The following SUGCT variants were observed in gnomAD, a reference collection of about 807,000 sequenced individuals.
SUGCT encodes succinyl-CoA:glutarate-CoA transferase, also known as succinyl-CoA:glutarate CoA-transferase.
Under a neutral mutation model 55.0 loss-of-function variants are expected in SUGCT, and 41 were observed. The ratio of observed to expected loss-of-function variants is 0.74; its 90% CI spans 0.58 to 0.97. The LOEUF (loss-of-function observed/expected upper bound fraction) is 0.97, where lower values mean the gene tolerates loss of function less well. Ranked by LOEUF, SUGCT falls within the 50% of genes least tolerant of loss-of-function variation. The pLI is 0.00. For missense variants in SUGCT, 568 were observed against 547.8 expected, an observed-to-expected ratio of 1.04 and a Z score of -0.37; for synonymous variants, 187 against 200.4, an observed-to-expected ratio of 0.93 and a Z score of 0.56.
intron 6 of SUGCT, among the ~76,000 whole-genome samples, chr7:40,203,736 T>G (rs977617678): frequency 6.6e-6 from 1 of 150,690 alleles, no homozygotes; most frequent in Non-Finnish European, 1.5e-5. Context: ...GATCGCACCA[T>G]TGCACTCCAG....
At chr7:40,924,649 C>T in the SUGCT span, among the ~76,000 whole-genome samples, 90 of 152,290 alleles carry the variant, frequency 5.9e-4, no homozygotes, top group Middle Eastern at 3.4e-3. Context: ...GACCTCAGCT[C>T]TCTCCTTCAA....
chr7:40,420,819 G>GCACACACC lies in SUGCT; in HGVS notation c.817-28460_817-28453dup, dbSNP rs1326009195. On this transcript the variant is annotated intron_variant, in intron 9 of 13. Coordinates refer to ENST00000335693, the MANE Select transcript of SUGCT (RefSeq NM_001193313.2). Reference sequence around the variant, plus strand: ...CACACACAGACACACACACACACATGCACACACCCACACACTATATATATA... The same window carrying GCACACACC: ...CACACACAGACACACACACACACATGCACACACCCACACACCCACACACTATATATATA... Among the ~76,000 whole-genome samples, 44 of 151,902 alleles carry GCACACACC rather than the reference G, an allele frequency of 2.9e-4. 1 individual carries two copies. The highest frequency in any genetic ancestry group is 1.0e-3 in the African/African-American group (42 of 41,430).
At chr7:40,599,891 A>G (rs922258734) in intron 12 of SUGCT, among the ~76,000 whole-genome samples, 2 of 152,182 alleles carry the variant, frequency 1.3e-5, no homozygotes, top group Non-Finnish European at 2.9e-5. Context: ...AACCGGCACC[A>G]TGTGCTCTGG....
chr7:40,399,875 T>A (rs545951968), intron 9 of SUGCT, among the ~76,000 whole-genome samples: 37 of 152,152 alleles, frequency 2.4e-4, no homozygotes, highest in Non-Finnish European at 4.0e-4. Context: ...AGGGTTTTTT[T>A]AAAAAATAGA....
At chr7:40,925,552 C>T in the SUGCT span, among the ~76,000 whole-genome samples, 9 of 152,104 alleles carry the variant, frequency 5.9e-5, no homozygotes, top group South Asian at 2.1e-4. Flanking sequence ...TCTGCAGAGC[C>T]GCTCAGATAA....
intron 13 of SUGCT, 48 bp from the exon 14 acceptor site, chr7:40,860,268 G>A (rs542927538): frequency 8.7e-6 from 14 of 1,610,886 alleles, no homozygotes; most frequent in Middle Eastern, 1.7e-4. Context: ...AATTAATTTC[G>A]TAGGGTTAGT....
chr7:40,832,562 G>T (rs375612948), intron 13 of SUGCT, among the ~76,000 whole-genome samples: 13,570 of 139,590 alleles, frequency 0.097, 705 homozygotes, highest in Middle Eastern at 0.16. Flanking sequence ...GGTTTTTTTT[G>T]TTTTTTTTTT....
chr7:40,819,534 CT>C (rs1458341148), intron 13 of SUGCT, among the ~76,000 whole-genome samples: 3 of 152,094 alleles, frequency 2.0e-5, no homozygotes, highest in Non-Finnish European at 4.4e-5. Context: ...TTTCATGTGT[CT>C]TTTGGCTGCA....
At chr7:40,300,737 A>G (rs1794479917) in intron 8 of SUGCT, among the ~76,000 whole-genome samples, 2 of 152,222 alleles carry the variant, frequency 1.3e-5, no homozygotes, top group Admixed American at 1.3e-4. Context: ...CTTAAAAGCC[A>G]TCCAGTTTGT....
chr7:40,793,374 A>G (rs1274458652), intron 13 of SUGCT: 1 of 152,136 alleles, frequency 6.6e-6, no homozygotes, highest in Non-Finnish European at 1.5e-5. Flanking sequence ...AGCTTCTGAT[A>G]CTTTTTACTT....
intron 12 of SUGCT, chr7:40,684,281 A>T (rs964623967): frequency 1.7e-6 from 2 of 1,185,372 alleles, no homozygotes; most frequent in Non-Finnish European, 1.1e-6. Context: ...AGGACATAGC[A>T]TCTTTGGGGA....
the SUGCT span, among the ~76,000 whole-genome samples, chr7:40,929,178 G>T: frequency 6.6e-6 from 1 of 152,034 alleles, no homozygotes; most frequent in Non-Finnish European, 1.5e-5. Context: ...GCGGTGTTTG[G>T]TTTTCTGTCC....
intron 9 of SUGCT, among the ~76,000 whole-genome samples, chr7:40,366,435 G>A (rs897304963): frequency 6.6e-6 from 1 of 151,958 alleles, no homozygotes; most frequent in Non-Finnish European, 1.5e-5. Flanking sequence ...AAACTAAAGA[G>A]CTTCTGCACA....
chr7:40,867,551 A>C, the SUGCT span, among the ~76,000 whole-genome samples: 1 of 152,218 alleles, frequency 6.6e-6, no homozygotes, highest in Non-Finnish European at 1.5e-5. Context: ...TAAAAATTGT[A>C]TTAGTAGGAA....
chr7:40,292,941 A>C (rs897220867), intron 8 of SUGCT, among the ~76,000 whole-genome samples: 9 of 152,154 alleles, frequency 5.9e-5, no homozygotes, highest in Non-Finnish European at 1.5e-5. Context: ...TTGGTATGTA[A>C]CGTCATGAAA....
In SUGCT at chr7:40,622,754, C is replaced by T. The variant is rs552737239; in HGVS notation, c.1089+126368C>T. 3.3e-4 allele frequency among the ~76,000 whole-genome samples: 50 copies of T among 151,684 alleles called. 1 individual carries two copies. The highest frequency in any genetic ancestry group is 3.1e-4 in the African/African-American group (13 of 41,398). Reference sequence around the variant, plus strand: ...GTGTCTTTGAAGGGTGGCTGGCTGTCGGGGTGGGAAGATCTAATTAGGCCT... The same window carrying T: ...GTGTCTTTGAAGGGTGGCTGGCTGTTGGGGTGGGAAGATCTAATTAGGCCT... On this transcript the variant is annotated intron_variant, in intron 12 of 13. Coordinates refer to ENST00000335693, the MANE Select transcript of SUGCT (RefSeq NM_001193313.2).
At chr7:40,495,988 A>T (rs1791949938) in intron 11 of SUGCT, among the ~76,000 whole-genome samples, 1 of 152,186 alleles carries the variant, frequency 6.6e-6, no homozygotes, top group Admixed American at 6.5e-5. Context: ...AAGTACAATG[A>T]TATTATTATT....
At chr7:40,150,166 G>A (rs1788481895) in intron 1 of SUGCT, among the ~76,000 whole-genome samples, 3 of 152,198 alleles carry the variant, frequency 2.0e-5, no homozygotes, top group Non-Finnish European at 4.4e-5. Flanking sequence ...CTACTCCTAA[G>A]ATCAGTGCTT....
At chr7:40,503,395 T>C (rs2151534667) in intron 12 of SUGCT, among the ~76,000 whole-genome samples, 1 of 152,178 alleles carries the variant, frequency 6.6e-6, no homozygotes, top group East Asian at 1.9e-4. Context: ...AAATATTTTG[T>C]ATGTTTAAAT....
Sources: allele counts gnomAD v4.1 joint callset (sites outside exome capture counted in the v4.1 genomes callset), GRCh38; gene constraint gnomAD v4.1.1; transcripts MANE v1.5; gene names NCBI Gene and HGNC (gene_info 2026-07-23, HGNC 2026-07-21).